The following TMEM11 variants were observed in gnomAD, a reference collection of about 807,000 sequenced individuals.
TMEM11 encodes the protein transmembrane protein 11.
Under a neutral mutation model 17.0 loss-of-function variants are expected in TMEM11, and 1 was observed. The observed-to-expected ratio is 0.06, with a 90% confidence interval of 0.02 to 0.28. The LOEUF (loss-of-function observed/expected upper bound fraction) is 0.28, where lower values mean the gene tolerates loss of function less well. Among genes scored for constraint, TMEM11 ranks in the 10% least tolerant of loss-of-function variants. The pLI is 1.00. For synonymous variants in TMEM11, 122 were observed against 118.1 expected, an observed-to-expected ratio of 1.03 and a Z score of -0.21; for missense variants, 172 against 252.9, an observed-to-expected ratio of 0.68 and a Z score of 2.17.
chr17:21,209,817 C>T (rs751640484), intron 1 of TMEM11, among the ~76,000 whole-genome samples: 36 of 152,156 alleles, frequency 2.4e-4, no homozygotes, highest in Non-Finnish European at 4.4e-4. Context: ...CCACACGTGG[C>T]TAATGGCTGC....
intron 1 of TMEM11, chr17:21,213,262 ATCT>A (rs748535965): frequency 2.0e-5 from 3 of 152,220 alleles, no homozygotes; most frequent in Non-Finnish European, 2.9e-5. Context: ...CCACCAATAC[ATCT>A]TCTCCCAAAT....
chr17:21,198,094 A>C lies in TMEM11; in HGVS notation c.*230T>G. 1.8e-6 allele frequency: 1 copy of C among 553,060 alleles called. No homozygotes were observed. The allele number at this position is 553,060 out of a possible 1,614,324, so 34.3% of individuals were successfully genotyped here. A position where few individuals can be genotyped will look rare whatever the true frequency, so the allele number is the denominator to read the frequency against. On this transcript the variant is annotated 3_prime_UTR_variant, in exon 2 of 2. Coordinates refer to ENST00000317635, the MANE Select transcript of TMEM11 (RefSeq NM_003876.3). This position sits in a 1 kb window ranked among gnomAD's most constrained non-coding sequence, Gnocchi z 6.5. ...TGCCTCCATCAGCATTCCACTGCCCAGTCGGACTTCCACAGCCTCAGACCC... is the reference window on the plus strand; with the variant it reads ...TGCCTCCATCAGCATTCCACTGCCCCGTCGGACTTCCACAGCCTCAGACCC...
chr17:21,211,371 A>G (rs1163555407), intron 1 of TMEM11: 1 of 564,938 alleles, frequency 1.8e-6, no homozygotes, highest in Non-Finnish European at 2.8e-6. Flanking sequence ...TATGCTGTCC[A>G]ATATGGTAGC....
At chr17:21,211,344 T>C (rs778456696) in intron 1 of TMEM11, 16 of 749,542 alleles carry the variant, frequency 2.1e-5, no homozygotes, top group Non-Finnish European at 2.9e-5. Context: ...TCTGCAGTGA[T>C]GGAAATGTCC....
chr17:21,201,150 T>C (rs758866481), intron 1 of TMEM11, among the ~76,000 whole-genome samples: 2 of 152,222 alleles, frequency 1.3e-5, no homozygotes, highest in Non-Finnish European at 2.9e-5. Context: ...AACGATCTCA[T>C]GTGGCCACAT....
chr17:21,207,393 G>A (rs28666878), intron 1 of TMEM11, among the ~76,000 whole-genome samples: 8,560 of 151,994 alleles, frequency 0.056, 365 homozygotes, highest in African/African-American at 0.12. Context: ...AGCTGGGCGT[G>A]GTGGTGCATG....
At chr17:21,207,547 C>A (rs1974955233) in intron 1 of TMEM11, among the ~76,000 whole-genome samples, 1 of 151,196 alleles carries the variant, frequency 6.6e-6, no homozygotes, top group South Asian at 2.1e-4. Context: ...ATTTTAAAAA[C>A]CCCTAAGGCA....
At chr17:21,211,034 C>T (rs1974997575) in intron 1 of TMEM11, 3 of 1,289,764 alleles carry the variant, frequency 2.3e-6, no homozygotes, top group Non-Finnish European at 3.0e-6. Context: ...GTGAGCTGGT[C>T]CGGGCTGGCA....
At chr17:21,207,698 G>A (rs1023711183) in intron 1 of TMEM11, among the ~76,000 whole-genome samples, 4 of 146,040 alleles carry the variant, frequency 2.7e-5, no homozygotes, top group African/African-American at 1.1e-4. Flanking sequence ...GACCAGCCTG[G>A]CCAACATGGT....
chr17:21,208,801 C>T (rs1215994376), intron 1 of TMEM11, among the ~76,000 whole-genome samples: 1 of 152,168 alleles, frequency 6.6e-6, no homozygotes, highest in Non-Finnish European at 1.5e-5. Context: ...CCAAAAGACA[C>T]AGGTTGGAGG....
intron 1 of TMEM11, among the ~76,000 whole-genome samples, chr17:21,205,366 A>C (rs1292269485): frequency 6.6e-6 from 1 of 152,166 alleles, no homozygotes; most frequent in African/African-American, 2.4e-5. Context: ...ACACATTCTA[A>C]GGCGGCAGAG....
chr17:21,199,193 C>G (rs1752511930), intron 1 of TMEM11, among the ~76,000 whole-genome samples: 1 of 151,812 alleles, frequency 6.6e-6, no homozygotes, highest in Admixed American at 6.6e-5. Context: ...TGTGGTGGCG[C>G]ATGCCTATAA....
intron 1 of TMEM11, among the ~76,000 whole-genome samples, chr17:21,201,155 C>T (rs1466211334): frequency 6.6e-6 from 1 of 152,216 alleles, no homozygotes; most frequent in African/African-American, 2.4e-5. Context: ...TCTCATGTGG[C>T]CACATTAAAG....
intron 1 of TMEM11, among the ~76,000 whole-genome samples, chr17:21,208,059 C>G (rs1408662299): frequency 6.8e-6 from 1 of 147,786 alleles, no homozygotes; most frequent in African/African-American, 2.5e-5. Context: ...GTGGCGTGAT[C>G]TTGGCTCACT....
chr17:21,208,416 C>T (rs1335769727), intron 1 of TMEM11: 2 of 151,704 alleles, frequency 1.3e-5, no homozygotes, highest in East Asian at 3.9e-4. Context: ...CCTTCCACTG[C>T]CAAGAAGAGC....
chr17:21,198,928 G>A lies in TMEM11; in HGVS notation c.63-88C>T. The A allele has an allele frequency of 6.9e-7, 1 of 1,454,776 alleles. No homozygotes were observed. The allele number at this position is 1,454,776 out of a possible 1,614,324, so 90.1% of individuals were successfully genotyped here. Reference sequence around the variant, plus strand: ...CACTTAACTGTGTTTCAGCGCTGGGGGAGGTCTGAGCCTGCACTGCGGAGA... The same window carrying A: ...CACTTAACTGTGTTTCAGCGCTGGGAGAGGTCTGAGCCTGCACTGCGGAGA... On this transcript the variant is annotated intron_variant, in intron 1 of 1. Coordinates refer to ENST00000317635, the MANE Select transcript of TMEM11 (RefSeq NM_003876.3). The surrounding 1 kb of genome is among the most constrained non-coding windows in gnomAD (Gnocchi z 6.5).
intron 1 of TMEM11, among the ~76,000 whole-genome samples, chr17:21,206,859 T>G (rs549498131): frequency 6.6e-6 from 1 of 152,254 alleles, no homozygotes; most frequent in Non-Finnish European, 1.5e-5. Context: ...TGAGATAGAA[T>G]TCACAGCTTT....
chr17:21,213,930 G>C (rs1013701478), intron 1 of TMEM11, 161 bp downstream of exon 1: 1 of 669,762 alleles, frequency 1.5e-6, no homozygotes, highest in Non-Finnish European at 2.4e-6. Flanking sequence ...GCTCCCACCC[G>C]GATCCCGGAT....
At chr17:21,199,551 T>C (rs1222902431) in intron 1 of TMEM11, among the ~76,000 whole-genome samples, 2 of 152,144 alleles carry the variant, frequency 1.3e-5, no homozygotes, top group Non-Finnish European at 2.9e-5. Context: ...TCAGGGCAAC[T>C]GCAAGAGGAT....
Sources: gnomAD v4.1 joint callset for allele counts (sites outside exome capture counted in the v4.1 genomes callset) on GRCh38, gnomAD v4.1.1 for gene constraint, Gnocchi (gnomAD v3.1) non-coding constraint, MANE v1.5 for transcripts, NCBI Gene and HGNC (gene_info 2026-07-23, HGNC 2026-07-21) for gene names.